Variants in EFCAB7 observed in about 807,000 individuals in gnomAD.
EFCAB7 encodes EF-hand calcium-binding domain-containing protein 7.
EFCAB7 carries 66 observed loss-of-function variants against 77.1 expected under a neutral mutation model. The observed-to-expected ratio is 0.86, with a 90% confidence interval of 0.70 to 1.05. EFCAB7 has a LOEUF of 1.05. Among genes scored for constraint, EFCAB7 ranks in the 50% least tolerant of loss-of-function variants. The pLI, the probability that EFCAB7 is intolerant of heterozygous loss-of-function variation, is 0.00. For missense variants in EFCAB7, 638 were observed against 730.5 expected (o/e 0.87, Z 1.46); for synonymous variants, 225 against 243.3 (o/e 0.92, Z 0.70).
intron 11 of EFCAB7, among the ~76,000 whole-genome samples, chr1:63,563,003 G>C (rs1439559381): frequency 6.6e-6 from 1 of 152,066 alleles, no homozygotes; most frequent in Non-Finnish European, 1.5e-5. Flanking sequence ...TTTAGAAATA[G>C]GAGGTGAATA....
At chr1:63,575,989 A>G (rs17125144), downstream of EFCAB7, among the ~76,000 whole-genome samples, 7,517 of 152,240 alleles carry the variant, frequency 0.049, 650 homozygotes, top group African/African-American at 0.17. Context: ...AGAGCATTCA[A>G]AGTTAGCCCT....
chr1:63,583,428 G>A, the EFCAB7 span, among the ~76,000 whole-genome samples: 2 of 152,144 alleles, frequency 1.3e-5, no homozygotes, highest in African/African-American at 2.4e-5. Flanking sequence ...GCTGAAGTCA[G>A]GAAGTACTTT....
Position 63,533,349 on chromosome 1 carries a change from T to G in EFCAB7, c.487-105T>G. 3.9e-6 allele frequency: 3 copies of G among 775,706 alleles called. 1 individual carries two copies. The South Asian group carries it at 5.6e-5, about 14-fold the overall frequency. The allele number at this position is 775,706 out of a possible 1,614,324, so 48.1% of individuals were successfully genotyped here. Reference sequence around the variant, plus strand: ...TGCGTAACCATCAATAGGAAATATATTCCATCTATCAGTCTGTTCCTTGCC... The same window carrying G: ...TGCGTAACCATCAATAGGAAATATAGTCCATCTATCAGTCTGTTCCTTGCC... On this transcript the variant is annotated intron_variant, in intron 4 of 13. Coordinates refer to ENST00000371088, the MANE Select transcript of EFCAB7 (RefSeq NM_032437.4).
At chr1:63,562,835 TG>T (rs1233793996) in intron 11 of EFCAB7, among the ~76,000 whole-genome samples, 1 of 152,110 alleles carries the variant, frequency 6.6e-6, no homozygotes, top group Admixed American at 6.5e-5. Context: ...AAATAGTATT[TG>T]TCCTTTTTCC....
chr1:63,544,778 T>A (rs1182276895), intron 6 of EFCAB7, among the ~76,000 whole-genome samples: 1 of 152,240 alleles, frequency 6.6e-6, no homozygotes, highest in Non-Finnish European at 1.5e-5. Flanking sequence ...TGCTCTTACA[T>A]TTAAAGTCAT....
At chr1:63,568,106 A>G (rs1027944187) in intron 11 of EFCAB7, among the ~76,000 whole-genome samples, 6 of 152,174 alleles carry the variant, frequency 3.9e-5, no homozygotes, top group South Asian at 2.1e-4. Context: ...TTTATTTTCT[A>G]TGAACATTAT....
At chr1:63,550,659 TG>T (rs1243183875) in intron 7 of EFCAB7, 1 of 147,434 alleles carries the variant, frequency 6.8e-6, no homozygotes, top group African/African-American at 2.5e-5. Flanking sequence ...AGAAAGTAGA[TG>T]GAAGGATACG....
At chr1:63,574,863 C>T (rs1647366447), downstream of EFCAB7, among the ~76,000 whole-genome samples, 1 of 152,152 alleles carries the variant, frequency 6.6e-6, no homozygotes, top group Non-Finnish European at 1.5e-5. Context: ...CGAGTTAAGG[C>T]AGTGAGTTCA....
intron 6 of EFCAB7, among the ~76,000 whole-genome samples, chr1:63,536,351 GTTCT>G (rs1189831783): frequency 6.6e-6 from 1 of 151,886 alleles, no homozygotes; most frequent in African/African-American, 2.4e-5. Context: ...GCAGCATTCA[GTTCT>G]TTGTTTACAT....
At chr1:63,530,105 C>T (rs1479719024) in intron 2 of EFCAB7, among the ~76,000 whole-genome samples, 1 of 152,172 alleles carries the variant, frequency 6.6e-6, no homozygotes, top group Admixed American at 6.5e-5. Flanking sequence ...TCACCCTATA[C>T]TATACTTGTG....
At chr1:63,568,591 C>G in intron 12 of EFCAB7, 72 bp downstream of exon 12, 1 of 1,186,456 alleles carries the variant, frequency 8.4e-7, no homozygotes, top group South Asian at 1.4e-5. Flanking sequence ...ATTCCTTACT[C>G]TATTCGTATG....
chr1:63,555,413 C>A lies in EFCAB7; in HGVS notation c.1112C>A (p.Thr371Lys), dbSNP rs1218806432. 1 of 1,613,872 alleles carries A rather than the reference C, an allele frequency of 6.2e-7. No individual in the cohort carries two copies. Among genetic ancestry groups the A allele is most frequent in the Admixed American group, 1.7e-5 (1 of 60,014 alleles). The change falls in exon 9 of 14, where the codon ACA becomes AAA. Residue 371 changes from threonine to lysine, a missense_variant. Thr to Lys is a moderately conservative substitution (Grantham distance 78). Coordinates refer to ENST00000371088, the MANE Select transcript of EFCAB7 (RefSeq NM_032437.4). Reference protein sequence around the residue: ...GPGIYWLIPSTTGCRLRKKIK... With the variant: ...GPGIYWLIPSKTGCRLRKKIK... Reference sequence around the variant, plus strand: ...GGAATTTACTGGTTAATTCCTTCCACAACTGGCTGTAGGCTGAGGAAAAAA... The same window carrying A: ...GGAATTTACTGGTTAATTCCTTCCAAAACTGGCTGTAGGCTGAGGAAAAAA...
At chr1:63,569,599 C>G (rs1315394491) in intron 12 of EFCAB7, 1 of 151,924 alleles carries the variant, frequency 6.6e-6, no homozygotes, top group Non-Finnish European at 1.5e-5. Flanking sequence ...CAGTGTAAGG[C>G]GAAACAAGGC....
chr1:63,558,130 T>C (rs961005930), intron 10 of EFCAB7, among the ~76,000 whole-genome samples: 1 of 152,220 alleles, frequency 6.6e-6, no homozygotes, highest in African/African-American at 2.4e-5. Flanking sequence ...TGATTTATAA[T>C]ATTAAACTGT....
At chr1:63,528,662 C>T (rs939095346) in intron 2 of EFCAB7, among the ~76,000 whole-genome samples, 4 of 151,858 alleles carry the variant, frequency 2.6e-5, no homozygotes, top group Non-Finnish European at 5.9e-5. Flanking sequence ...ATCAAAAAAT[C>T]TCATATTATA....
chr1:63,571,756 G>A (rs534501730), intron 13 of EFCAB7, among the ~76,000 whole-genome samples: 2 of 149,402 alleles, frequency 1.3e-5, no homozygotes, highest in Admixed American at 6.7e-5. Context: ...ATAAAATGAT[G>A]TATGTACATG....
At chr1:63,565,117 C>T (rs757164411) in intron 11 of EFCAB7, among the ~76,000 whole-genome samples, 4 of 152,108 alleles carry the variant, frequency 2.6e-5, no homozygotes, top group African/African-American at 7.2e-5. Context: ...GAGGCTGAGG[C>T]GGGTGGATCA....
intron 10 of EFCAB7, among the ~76,000 whole-genome samples, chr1:63,557,816 C>T (rs972132665): frequency 6.6e-6 from 1 of 152,134 alleles, no homozygotes; most frequent in Non-Finnish European, 1.5e-5. Context: ...GACATACTTG[C>T]ATATTTAAGC....
At chr1:63,528,022 G>C (rs562147702) in intron 2 of EFCAB7, 1 of 152,216 alleles carries the variant, frequency 6.6e-6, no homozygotes, top group East Asian at 1.9e-4. Flanking sequence ...CAGTTTGGAG[G>C]CTTCTCAAAA....
Sources: allele counts gnomAD v4.1 joint callset (sites outside exome capture counted in the v4.1 genomes callset), GRCh38; gene constraint gnomAD v4.1.1; transcripts MANE v1.5; gene names NCBI Gene and HGNC (gene_info 2026-07-23, HGNC 2026-07-21).